The following MACROD2 variants were observed in gnomAD, a reference collection of about 807,000 sequenced individuals.
MACROD2 encodes ADP-ribose glycohydrolase MACROD2.
A neutral mutation model predicts 70.4 loss-of-function variants in MACROD2; 36 were observed. The ratio of observed to expected loss-of-function variants is 0.51; its 90% CI spans 0.39 to 0.68. MACROD2 has a LOEUF of 0.68. MACROD2 is among the 30% of genes least tolerant of loss of function. MACROD2 has a pLI of 0.00. For synonymous variants in MACROD2, 172 were observed against 178.8 expected (o/e 0.96, Z 0.30); for missense variants, 496 against 538.4 (o/e 0.92, Z 0.78).
At chr20:15,139,398 A>G (rs762336072) in intron 5 of MACROD2, among the ~76,000 whole-genome samples, 3 of 152,108 alleles carry the variant, frequency 2.0e-5, no homozygotes, top group Non-Finnish European at 4.4e-5. Flanking sequence ...GGGGTGTCGT[A>G]GGGGAATGTG....
chr20:14,728,046 A>T (rs1380559168), intron 5 of MACROD2, among the ~76,000 whole-genome samples: 1 of 152,164 alleles, frequency 6.6e-6, no homozygotes, highest in Non-Finnish European at 1.5e-5. Flanking sequence ...CACAGAGAAA[A>T]ATTATGACCC....
intron 8 of MACROD2, among the ~76,000 whole-genome samples, chr20:15,551,599 C>A (rs780882823): frequency 9.9e-5 from 15 of 152,082 alleles, no homozygotes; most frequent in Non-Finnish European, 1.5e-4. Context: ...TATTTTCAGG[C>A]TGGGCGCGGT....
intron 6 of MACROD2, among the ~76,000 whole-genome samples, chr20:15,398,167 C>T (rs2045884409): frequency 6.6e-6 from 1 of 152,154 alleles, no homozygotes; most frequent in Non-Finnish European, 1.5e-5. Flanking sequence ...TTATTCCCTG[C>T]CTGCCATCAT....
chr20:14,923,791 G>A (rs936305744), intron 5 of MACROD2, among the ~76,000 whole-genome samples: 1 of 143,716 alleles, frequency 7.0e-6, no homozygotes, highest in Non-Finnish European at 1.5e-5. Context: ...CGGTGCGTTG[G>A]GGGAGGGGGG....
chr20:15,472,295 C>G (rs2046972149), intron 7 of MACROD2, among the ~76,000 whole-genome samples: 1 of 152,144 alleles, frequency 6.6e-6, no homozygotes, highest in Admixed American at 6.6e-5. Flanking sequence ...ACATCTTTCC[C>G]AGGTGCTCTT....
At chr20:14,986,709 A>G (rs2074851950) in intron 5 of MACROD2, among the ~76,000 whole-genome samples, 1 of 152,286 alleles carries the variant, frequency 6.6e-6, no homozygotes, top group Middle Eastern at 3.4e-3. Flanking sequence ...ATTTGCCTTA[A>G]TAGGTAGTGG....
intron 5 of MACROD2, among the ~76,000 whole-genome samples, chr20:14,992,484 G>A (rs913889545): frequency 6.6e-6 from 1 of 152,120 alleles, no homozygotes; most frequent in African/African-American, 2.4e-5. Flanking sequence ...TGTATTATCA[G>A]TGATAATATA....
intron 5 of MACROD2, among the ~76,000 whole-genome samples, chr20:14,700,553 G>A (rs1342733987): frequency 1.4e-5 from 2 of 146,076 alleles, no homozygotes; most frequent in African/African-American, 5.0e-5. Flanking sequence ...GTGTGTGTGT[G>A]TGTGTAATAG....
chr20:14,148,788 A>T (rs148955218), intron 3 of MACROD2, among the ~76,000 whole-genome samples: 3 of 152,232 alleles, frequency 2.0e-5, no homozygotes, highest in East Asian at 3.9e-4. Flanking sequence ...GTGGATAGAG[A>T]TGCCCACAAT....
At chr20:15,387,175 A>G (rs2045725061) in intron 6 of MACROD2, among the ~76,000 whole-genome samples, 1 of 152,226 alleles carries the variant, frequency 6.6e-6, no homozygotes. Context: ...GGCATATCTC[A>G]TAAAAAGGTT....
chr20:14,379,505 T>A (rs1007196528), intron 3 of MACROD2, among the ~76,000 whole-genome samples: 25 of 152,204 alleles, frequency 1.6e-4, no homozygotes, highest in Non-Finnish European at 3.2e-4. Flanking sequence ...TGCAATTCAG[T>A]GACAATAAAT....
At chr20:14,576,691 A>G (rs2423831) in intron 4 of MACROD2, among the ~76,000 whole-genome samples, 97,679 of 152,062 alleles carry the variant, frequency 0.64, 32,939 homozygotes, top group East Asian at 0.93. Flanking sequence ...ACACTGTTAT[A>G]TAAGGGCTCT....
chr20:14,873,836 G>A (rs562026354), intron 5 of MACROD2, among the ~76,000 whole-genome samples: 112 of 152,114 alleles, frequency 7.4e-4, no homozygotes, highest in African/African-American at 2.7e-3. Context: ...TCCAGCCTGG[G>A]CACCAAGAAC....
At chr20:14,595,459 T>G (rs1294950834) in intron 4 of MACROD2, among the ~76,000 whole-genome samples, 1 of 152,142 alleles carries the variant, frequency 6.6e-6, no homozygotes, top group Non-Finnish European at 1.5e-5. Context: ...CTCCTCCCAG[T>G]GTGTAGCAGG....
intron 3 of MACROD2, among the ~76,000 whole-genome samples, chr20:14,147,848 C>T (rs1041670794): frequency 6.6e-6 from 1 of 151,976 alleles, no homozygotes; most frequent in Admixed American, 6.5e-5. Flanking sequence ...TTTTTAGAAC[C>T]CTCATGCTGA....
chr20:14,433,792 A>G (rs1043913723), intron 3 of MACROD2, among the ~76,000 whole-genome samples: 1 of 152,114 alleles, frequency 6.6e-6, no homozygotes, highest in Non-Finnish European at 1.5e-5. Flanking sequence ...ATGGTTTGAC[A>G]GAGAAACATT....
intron 8 of MACROD2, among the ~76,000 whole-genome samples, chr20:15,799,652 A>G (rs1191106164): frequency 3.3e-5 from 5 of 152,206 alleles, no homozygotes; most frequent in East Asian, 3.9e-4. Flanking sequence ...ACAGTATTCC[A>G]TTGTGTATAT....
intron 6 of MACROD2, among the ~76,000 whole-genome samples, chr20:15,366,827 CTGACA>C (rs2045416781): frequency 6.6e-6 from 1 of 151,806 alleles, no homozygotes; most frequent in East Asian, 1.9e-4. Context: ...TCCCAGTGTG[CTGACA>C]TGAGCCACCA....
At chr20:15,750,400 G>T (rs1452986870) in intron 8 of MACROD2, among the ~76,000 whole-genome samples, 1 of 151,816 alleles carries the variant, frequency 6.6e-6, no homozygotes, top group Admixed American at 6.6e-5. Context: ...ACACACTGTT[G>T]GTGGGCTTGT....
Sources: allele counts gnomAD v4.1 joint callset (sites outside exome capture counted in the v4.1 genomes callset), GRCh38; gene constraint gnomAD v4.1.1; transcripts MANE v1.5; gene names NCBI Gene and HGNC (gene_info 2026-07-23, HGNC 2026-07-21).